The following ZSCAN20 variants were observed in gnomAD, a reference collection of about 807,000 sequenced individuals.
The protein encoded by ZSCAN20 is zinc finger and SCAN domain-containing protein 20.
A neutral mutation model predicts 97.1 loss-of-function variants in ZSCAN20; 39 were observed. That is an observed-to-expected ratio of 0.40 (90% CI 0.31 to 0.52). The LOEUF (loss-of-function observed/expected upper bound fraction) is 0.52, where lower values mean the gene tolerates loss of function less well. Among genes scored for constraint, ZSCAN20 ranks in the 20% least tolerant of loss-of-function variants. The pLI is 0.49. For synonymous variants in ZSCAN20, 456 were observed against 467.3 expected (o/e 0.98, Z 0.31); for missense variants, 1,115 against 1,290.4 (o/e 0.86, Z 2.08).
chr1:33,495,729 T>C lies in ZSCAN20; in HGVS notation c.*253T>C. The C allele has an allele frequency of 3.1e-6, 1 of 319,620 alleles. No homozygotes were observed. Among genetic ancestry groups the C allele is most frequent in the Non-Finnish European group, 5.7e-6 (1 of 174,528 alleles). 19.8% of individuals were successfully genotyped at this position (319,620 alleles called of 1,614,324 possible). A position where few individuals can be genotyped will look rare whatever the true frequency, so the allele number is the denominator to read the frequency against. On this transcript the variant is annotated 3_prime_UTR_variant, in exon 8 of 8. Transcript: ENST00000684572. ...GACTGTCCTTGTATTTGCTATCATG[T>C]AAGAGCTGTGTCAGTATTTGAGCCA...
chr1:33,483,801 G>C (rs1652245826), intron 2 of ZSCAN20, among the ~76,000 whole-genome samples: 1 of 152,176 alleles, frequency 6.6e-6, no homozygotes, highest in African/African-American at 2.4e-5. Context: ...GGGAAAAGCT[G>C]ACATCTTGAC....
chr1:33,477,412 C>T (rs1055468179), intron 1 of ZSCAN20, among the ~76,000 whole-genome samples: 5 of 152,028 alleles, frequency 3.3e-5, no homozygotes, highest in African/African-American at 9.7e-5. Context: ...CTAATGATCT[C>T]CTTTGAGTGG....
chr1:33,493,598 C>T lies in ZSCAN20; in HGVS notation c.1856C>T (p.Pro619Leu). Residue 619 changes from proline to leucine, a missense_variant, in exon 7 of 8, where the codon CCT becomes CTT. By Grantham distance (98) the Pro-to-Leu change is moderately conservative. Transcript: ENST00000684572. The surrounding 1 kb of genome is among the most constrained non-coding windows in gnomAD (Gnocchi z 4.3). ...GCTGTCAAACCTTCAACCTTGTGTC[C>T]TAAAGCCCCAGACATGGGTAAGCCT... ...EDAVKPSTLC[P>L]KAPDMGFEMR... The T allele has an allele frequency of 6.3e-7, 1 of 1,583,744 alleles. No individual in the cohort carries two copies. Among genetic ancestry groups the T allele is most frequent in the South Asian group, 1.1e-5 (1 of 87,090 alleles).
Position 33,498,959 on chromosome 1 carries a change from A to G in ZSCAN20, c.*3483A>G, listed in dbSNP as rs1420841386. Among the ~76,000 whole-genome samples the G allele has an allele frequency of 6.6e-6, 1 of 152,230 alleles. No individual in the cohort carries two copies. Among genetic ancestry groups the G allele is most frequent in the Non-Finnish European group, 1.5e-5 (1 of 68,040 alleles). On this transcript the variant is annotated 3_prime_UTR_variant, in exon 8 of 8. Coordinates refer to ENST00000684572, the MANE Select transcript of ZSCAN20 (RefSeq NM_001377376.1). ...CGGTTTTTTCTAAGGCCTTGACCTC[A>G]GCAGCTGAACTCATGGTCATGGCTG... is the stretch of plus-strand genomic sequence containing the variant.
Position 33,493,229 on chromosome 1 carries a change from C to T in ZSCAN20, c.1487C>T (p.Ala496Val), listed in dbSNP as rs1217957146. ...WGYEETKAFL[A>V]ILSESPFSEK... ...TATGAGGAGACCAAGGCCTTCCTGG[C>T]AATTCTCAGTGAGTCCCCATTCTCG... Residue 496 changes from alanine (A) to valine (V), a missense_variant, in exon 7 of 8, where the codon GCA becomes GTA. Ala to Val is a moderately conservative substitution (Grantham distance 64, BLOSUM62 0). Transcript: ENST00000684572. This position sits in a 1 kb window ranked among gnomAD's most constrained non-coding sequence, Gnocchi z 4.3. The T allele has an allele frequency of 6.2e-7, 1 of 1,614,182 alleles. No homozygotes were observed. The highest frequency in any genetic ancestry group is 2.2e-5 in the East Asian group (1 of 44,884).
intron 1 of ZSCAN20, among the ~76,000 whole-genome samples, chr1:33,475,090 A>C (rs4652898): frequency 0.14 from 21,954 of 152,202 alleles, 2,095 homozygotes; most frequent in East Asian, 0.38. Flanking sequence ...TCCTGCCTTA[A>C]TGTTCTTTCC....
Position 33,494,974 on chromosome 1 carries a change from G to C in ZSCAN20, c.2630G>C (p.Cys877Ser). 6.2e-7 allele frequency: 1 copy of C among 1,614,148 alleles called. No homozygotes were observed. Among genetic ancestry groups the C allele is most frequent in the South Asian group, 1.1e-5 (1 of 91,088 alleles). Residue 877 changes from cysteine to serine, a missense_variant, in exon 8 of 8, where the codon TGT becomes TCT. Around this residue, in one of 3 missense-constraint regions of ZSCAN20, gnomAD observed 554 missense variants for 584.9 expected, o/e 0.95. Transcript: ENST00000684572. Reference protein sequence around the residue: ...STNSGEKLYECSECGRSFSKS... With the variant: ...STNSGEKLYESSECGRSFSKS... Reference sequence around the variant, plus strand: ...AACTCAGGGGAGAAACTTTATGAGTGTTCTGAATGTGGAAGAAGCTTCTCT... The same window carrying C: ...AACTCAGGGGAGAAACTTTATGAGTCTTCTGAATGTGGAAGAAGCTTCTCT...
In ZSCAN20 at chr1:33,501,549, T is replaced by G. The variant is rs567440883; in HGVS notation, c.*6073T>G. On this transcript the variant is annotated 3_prime_UTR_variant, in exon 8 of 8. Coordinates refer to ENST00000684572, the MANE Select transcript of ZSCAN20 (RefSeq NM_001377376.1). ...CCATTTTCTGTTATTTTTTTTTTTTTTGTGCTGTTATGTACATCTCTTAAA... is the reference window on the plus strand; with the variant it reads ...CCATTTTCTGTTATTTTTTTTTTTTGTGTGCTGTTATGTACATCTCTTAAA... Among the ~76,000 whole-genome samples, 1,118 of 151,748 alleles carry G rather than the reference T, an allele frequency of 7.4e-3. 20 individuals carry two copies. Among genetic ancestry groups the G allele is most frequent in the African/African-American group, 0.026 (1,064 of 41,314 alleles).
Position 33,491,433 on chromosome 1 carries a change from G to A in ZSCAN20, c.1175G>A (p.Ser392Asn), listed in dbSNP as rs746277263. Residue 392 changes from serine to asparagine, a missense_variant, in exon 6 of 8, where the codon AGC (serine) becomes AAC (asparagine). Physicochemically the swap from Ser to Asn is conservative, Grantham distance 46. Transcript: ENST00000684572. The surrounding 1 kb of genome is among the most constrained non-coding windows in gnomAD (Gnocchi z 4.3). ...CTACGGAATTACCGGAAAGCCAAGA[G>A]CAGCCACCCACCAGGTACCTGCCCC... is the stretch of plus-strand genomic sequence containing the variant. ...NLLRNYRKAK[S>N]SHPPGTCPFY... The A allele has an allele frequency of 2.5e-6, 4 of 1,614,182 alleles. No individual in the cohort carries two copies. Among genetic ancestry groups the A allele is most frequent in the Admixed American group, 3.3e-5 (2 of 60,020 alleles).
Position 33,488,491 on chromosome 1 carries a change from C to A in ZSCAN20, c.444C>A (p.Thr148=). The A allele has an allele frequency of 1.2e-6, 2 of 1,613,860 alleles. No homozygotes were observed. The highest frequency in any genetic ancestry group is 1.7e-6 in the Non-Finnish European group (2 of 1,179,902). The change falls in exon 3 of 8, where the codon ACC becomes ACA. Residue 148 remains threonine (T), a synonymous_variant. Transcript: ENST00000684572. ...QSGLELHTEE[T]RPLKTGEEAQ... is the part of the protein sequence containing the mutation. ...GACTGGAATTGCATACAGAAGAGAC[C>A]AGGCCCTTAAAGACAGGGGAAGAAG...
chr1:33,494,428 A>G lies in ZSCAN20; in HGVS notation c.2084A>G (p.Glu695Gly). The G allele has an allele frequency of 6.2e-7, 1 of 1,613,612 alleles. No individual in the cohort carries two copies. Among genetic ancestry groups the G allele is most frequent in the Non-Finnish European group, 8.5e-7 (1 of 1,179,718 alleles). ...GAAAGTTCTTCTGAAGAGGACTTAG[A>G]AAAACTTATTGACCATCAAGGCCTG... ...WQESSSEEDL[E>G]KLIDHQGLYL... The change falls in exon 8 of 8, where the codon GAA becomes GGA. Residue 695 changes from glutamate to glycine, a missense_variant. Around this residue, in one of 3 missense-constraint regions of ZSCAN20, gnomAD observed 554 missense variants for 584.9 expected, o/e 0.95. Coordinates refer to ENST00000684572, the MANE Select transcript of ZSCAN20 (RefSeq NM_001377376.1).
rs1251996959 is a variant in ZSCAN20 at position 33,501,338 on chromosome 1, G to C, written c.*5862G>C. Among the ~76,000 whole-genome samples the C allele has an allele frequency of 6.6e-6, 1 of 152,182 alleles. No individual in the cohort carries two copies. The highest frequency in any genetic ancestry group is 2.4e-5 in the African/African-American group (1 of 41,454). Reference sequence around the variant, plus strand: ...ACCTTTCTCGACCAACTAATTTATGGAAATGAGACATTTGTAATTGATTTT... The same window carrying C: ...ACCTTTCTCGACCAACTAATTTATGCAAATGAGACATTTGTAATTGATTTT... On this transcript the variant is annotated 3_prime_UTR_variant, in exon 8 of 8. Coordinates refer to ENST00000684572, the MANE Select transcript of ZSCAN20 (RefSeq NM_001377376.1).
rs1192051553 is a variant in ZSCAN20, at chr1:33,491,305, T to A, written c.1047T>A (p.Thr349=). The part of the protein sequence containing the change: ...SESPFSEKLR[T]CHQNRQVYRA... ...CTCCTTTCTCTGAAAAGCTCCGGAC[T>A]TGTCACCAGAACCGCCAGGTATATC... Residue 349 remains threonine (T), a synonymous_variant, in exon 6 of 8, where the codon ACT becomes ACA. Coordinates refer to ENST00000684572, the MANE Select transcript of ZSCAN20 (RefSeq NM_001377376.1). This position sits in a 1 kb window ranked among gnomAD's most constrained non-coding sequence, Gnocchi z 4.3. 1 of 1,614,020 alleles carries A rather than the reference T, an allele frequency of 6.2e-7. No homozygotes were observed. The highest frequency in any genetic ancestry group is 1.3e-5 in the African/African-American group (1 of 74,920).
chr1:33,473,245 C>T (rs1651796065), intron 1 of ZSCAN20, among the ~76,000 whole-genome samples: 1 of 152,140 alleles, frequency 6.6e-6, no homozygotes, highest in South Asian at 2.1e-4. Context: ...CATTTACCTA[C>T]CTACCTACCT....
chr1:33,479,791 A>G, intron 2 of ZSCAN20, 86 bp downstream of exon 2: 2 of 1,327,988 alleles, frequency 1.5e-6, no homozygotes, highest in Middle Eastern at 2.1e-4. Flanking sequence ...CAAATTCACA[A>G]TAAAAATAAC....
chr1:33,494,680 C>A lies in ZSCAN20; in HGVS notation c.2336C>A (p.Ser779Tyr). 6.2e-7 allele frequency: 1 copy of A among 1,614,122 alleles called. No individual in the cohort carries two copies. The highest frequency in any genetic ancestry group is 8.5e-7 in the Non-Finnish European group (1 of 1,180,028). ...TGTGGGAAAAGCTTTAGTGACCATT[C>A]TAATCTCATCACTCACCAGAGAATT... ...LECGKSFSDH[S>Y]NLITHQRIHT... The change falls in exon 8 of 8, where the codon TCT becomes TAT. Residue 779 changes from serine to tyrosine, a missense_variant. Around this residue, in one of 3 missense-constraint regions of ZSCAN20, gnomAD observed 554 missense variants for 584.9 expected, o/e 0.95. Transcript: ENST00000684572.
At position 33,491,358 on chromosome 1, in the gene ZSCAN20, G is replaced by A. The variant is rs960050139; in HGVS notation, c.1100G>A (p.Arg367Lys). 3 of 1,614,052 alleles carry A rather than the reference G, an allele frequency of 1.9e-6. No individual in the cohort carries two copies. The highest frequency in any genetic ancestry group is 1.7e-6 in the Non-Finnish European group (2 of 1,180,018). ...YRAIAEQLRA[R>K]GFLRTLEQCR... ...GCCATTGCAGAGCAGCTAAGGGCAA[G>A]GGGCTTCCTGCGGACACTGGAGCAA... is the stretch of plus-strand genomic sequence containing the variant. Residue 367 changes from arginine to lysine, a missense_variant, in exon 6 of 8, where the codon AGG becomes AAG. By Grantham distance (26) the Arg-to-Lys change is conservative. Coordinates refer to ENST00000684572, the MANE Select transcript of ZSCAN20 (RefSeq NM_001377376.1). This position sits in a 1 kb window ranked among gnomAD's most constrained non-coding sequence, Gnocchi z 4.3.
In ZSCAN20 at chr1:33,491,300, C is replaced by T. The variant is rs183341087; in HGVS notation, c.1042C>T (p.Arg348Trp). 254 of 1,614,146 alleles carry T rather than the reference C, an allele frequency of 1.6e-4. 1 individual carries two copies. The Admixed American group carries it at 1.6e-3, about 10-fold the overall frequency. The part of the protein sequence containing the change: ...LSESPFSEKL[R>W]TCHQNRQVYR... ...TGAATCTCCTTTCTCTGAAAAGCTC[C>T]GGACTTGTCACCAGAACCGCCAGGT... The change falls in exon 6 of 8, where the codon CGG (arginine) becomes TGG (tryptophan). Residue 348 changes from arginine to tryptophan, a missense_variant. By Grantham distance (101) the Arg-to-Trp change is moderately radical. Around this residue, in one of 3 missense-constraint regions of ZSCAN20, gnomAD observed 508 missense variants for 611.2 expected, o/e 0.83. Transcript: ENST00000684572. This position sits in a 1 kb window ranked among gnomAD's most constrained non-coding sequence, Gnocchi z 4.3.
Position 33,499,776 on chromosome 1 carries a change from T to G in ZSCAN20, c.*4300T>G, listed in dbSNP as rs1047142310. Among the ~76,000 whole-genome samples, 6 of 152,178 alleles carry G rather than the reference T, an allele frequency of 3.9e-5. No individual in the cohort carries two copies. The highest frequency in any genetic ancestry group is 2.1e-4 in the South Asian group (1 of 4,830). On this transcript the variant is annotated 3_prime_UTR_variant, in exon 8 of 8. Transcript: ENST00000684572. ...AAATATTCCCTTACCCCATTTTTTT[T>G]GGGGGGGAGATGGGGGTCTTGTGTT...
Sources: gnomAD v4.1 joint callset for allele counts (sites outside exome capture counted in the v4.1 genomes callset) on GRCh38, gnomAD v4.1.1 for gene constraint, gnomAD v4.1.1 regional missense constraint, Gnocchi (gnomAD v3.1) non-coding constraint, MANE v1.5 for transcripts, NCBI Gene and HGNC (gene_info 2026-07-23, HGNC 2026-07-21) for gene names.